The following HECW2 variants were observed in gnomAD, a reference collection of about 807,000 sequenced individuals.
HECW2 encodes the protein E3 ubiquitin-protein ligase HECW2.
HECW2 carries 61 observed loss-of-function variants against 175.2 expected under a neutral mutation model. The observed-to-expected ratio is 0.35, with a 90% CI of 0.28 to 0.43. The LOEUF (loss-of-function observed/expected upper bound fraction) is 0.43, where lower values mean the gene tolerates loss of function less well. Among genes scored for constraint, HECW2 ranks in the 20% least tolerant of loss-of-function variants. The probability of loss-of-function intolerance (pLI) is 1.00; values close to 1 mark genes in which losing one functional copy is unlikely to be tolerated. For synonymous variants in HECW2, 671 were observed against 731.0 expected, an observed-to-expected ratio of 0.92 and a Z score of 1.32; for missense variants, 1,524 against 2,000.5, an observed-to-expected ratio of 0.76 and a Z score of 4.54.
chr2:196,410,968 A>G (rs1695093059), intron 2 of HECW2, among the ~76,000 whole-genome samples: 1 of 151,946 alleles, frequency 6.6e-6, no homozygotes, highest in African/African-American at 2.4e-5. Context: ...CATTCCAGGC[A>G]ATGCAATGGC....
At chr2:196,383,380 T>C (rs778206726) in intron 2 of HECW2, among the ~76,000 whole-genome samples, 16 of 152,050 alleles carry the variant, frequency 1.1e-4, no homozygotes, top group South Asian at 4.1e-4. Context: ...TGTAAGTGTA[T>C]AGGTATTGGC....
chr2:196,252,069 T>C (rs12693787), intron 19 of HECW2, among the ~76,000 whole-genome samples: 151,468 of 151,736 alleles, frequency 1, 75,601 homozygotes, highest in Middle Eastern at 1. Flanking sequence ...CATGGTGGCA[T>C]GTATCTGTTA....
intron 1 of HECW2, among the ~76,000 whole-genome samples, chr2:196,482,194 A>G (rs752667794): frequency 4.6e-5 from 7 of 152,216 alleles, no homozygotes; most frequent in Admixed American, 2.6e-4. Context: ...CAGGGCCAAT[A>G]TGGACCCTCA....
intron 2 of HECW2, among the ~76,000 whole-genome samples, chr2:196,391,975 A>G (rs1456888417): frequency 6.6e-6 from 1 of 152,032 alleles, no homozygotes; most frequent in Non-Finnish European, 1.5e-5. Flanking sequence ...GACAACATTC[A>G]TTGGATTCAT....
intron 1 of HECW2, chr2:196,592,821 G>A (rs1323222618): frequency 1.3e-5 from 2 of 150,810 alleles, no homozygotes; most frequent in African/African-American, 4.8e-5. Flanking sequence ...CCCGGCCGCG[G>A]GGCGGGAGGG....
At chr2:196,466,805 T>G (rs1696972935) in intron 1 of HECW2, among the ~76,000 whole-genome samples, 1 of 152,238 alleles carries the variant, frequency 6.6e-6, no homozygotes, top group African/African-American at 2.4e-5. Context: ...TGGGCCAGTC[T>G]GGCAATACCT....
At chr2:196,570,510 T>C (rs1690346037) in intron 1 of HECW2, among the ~76,000 whole-genome samples, 1 of 152,186 alleles carries the variant, frequency 6.6e-6, no homozygotes, top group East Asian at 1.9e-4. Context: ...ATGAGAACAC[T>C]TGGGACACAG....
intron 15 of HECW2, among the ~76,000 whole-genome samples, chr2:196,278,284 A>C (rs1412262263): frequency 6.7e-6 from 1 of 148,350 alleles, no homozygotes; most frequent in Non-Finnish European, 1.5e-5. Context: ...CCTTCCTCTG[A>C]GTCAAAAAAT....
At chr2:196,521,693 T>C (rs1688398135) in intron 1 of HECW2, among the ~76,000 whole-genome samples, 1 of 144,332 alleles carries the variant, frequency 6.9e-6, no homozygotes, top group South Asian at 2.3e-4. Flanking sequence ...CCATGTGATC[T>C]CATTGTTCAA....
At chr2:196,497,188 G>C (rs1006786008) in intron 1 of HECW2, among the ~76,000 whole-genome samples, 3 of 152,150 alleles carry the variant, frequency 2.0e-5, no homozygotes, top group Admixed American at 2.0e-4. Flanking sequence ...AAAATGTTTA[G>C]ACCAAGTCAT....
rs748007524 is a variant in HECW2, at chr2:196,318,918, T to G, written c.1972A>C (p.Thr658Pro). The change falls in exon 9 of 29, where the codon ACA (threonine) becomes CCA (proline). Residue 658 changes from threonine (T) to proline (P), a missense_variant. Physicochemically the swap from Thr to Pro is conservative, Grantham distance 38. This residue lies in a region of HECW2 where 604 missense variants were observed against 588.3 expected (regional missense o/e 1.03). Transcript: ENST00000644978. ...GCGCTCTCAAGAGAGGAGCACCGTG[T>G]GTCCACAGAGGACAGCTGCGTGGTC... ...SVTTQLSSVD[T>P]RCSSLESARF... 1 of 1,589,812 alleles carries G rather than the reference T, an allele frequency of 6.3e-7. No individual in the cohort carries two copies.
intron 1 of HECW2, among the ~76,000 whole-genome samples, chr2:196,504,235 G>T (rs1687674363): frequency 1.3e-5 from 2 of 149,246 alleles, no homozygotes; most frequent in Non-Finnish European, 3.0e-5. Flanking sequence ...GGCAGATGTT[G>T]CAGTGAGCCA....
At chr2:196,547,428 G>C (rs528195550) in intron 1 of HECW2, among the ~76,000 whole-genome samples, 1 of 152,174 alleles carries the variant, frequency 6.6e-6, no homozygotes, top group African/African-American at 2.4e-5. Context: ...CTTAAACAAT[G>C]CAAGGAACAC....
intron 1 of HECW2, among the ~76,000 whole-genome samples, chr2:196,449,321 T>C (rs1411909375): frequency 1.3e-5 from 2 of 152,188 alleles, no homozygotes; most frequent in East Asian, 1.9e-4. Context: ...GCAATGTATC[T>C]AGTGCAGGGG....
At chr2:196,336,040 G>C (rs186781410) in intron 3 of HECW2, among the ~76,000 whole-genome samples, 10 of 152,228 alleles carry the variant, frequency 6.6e-5, no homozygotes, top group Admixed American at 2.0e-4. Context: ...AAGGTGTCAT[G>C]GAAAAAACAG....
intron 13 of HECW2, among the ~76,000 whole-genome samples, chr2:196,299,837 G>A (rs532521919): frequency 2.8e-4 from 43 of 152,152 alleles, no homozygotes; most frequent in African/African-American, 1.0e-3. Context: ...GCTGAGGCAG[G>A]AGAATGGCGT....
At chr2:196,559,807 C>T (rs1480458012) in intron 1 of HECW2, among the ~76,000 whole-genome samples, 1 of 152,126 alleles carries the variant, frequency 6.6e-6, no homozygotes, top group South Asian at 2.1e-4. Flanking sequence ...TTGCATACAT[C>T]TTAAATCTCA....
intron 1 of HECW2, among the ~76,000 whole-genome samples, chr2:196,458,843 C>G (rs1235251500): frequency 6.6e-6 from 1 of 152,088 alleles, no homozygotes; most frequent in South Asian, 2.1e-4. Flanking sequence ...TCCAGCCTGG[C>G]AAGAGAGTAA....
intron 3 of HECW2, among the ~76,000 whole-genome samples, chr2:196,337,623 C>A (rs966561419): frequency 2.7e-5 from 4 of 150,940 alleles, no homozygotes; most frequent in African/African-American, 9.7e-5. Context: ...TTAATATTTG[C>A]ATATACTTAT....
Sources: gnomAD v4.1 joint callset for allele counts (sites outside exome capture counted in the v4.1 genomes callset) on GRCh38, gnomAD v4.1.1 for gene constraint, gnomAD v4.1.1 regional missense constraint, MANE v1.5 for transcripts, NCBI Gene and HGNC (gene_info 2026-07-23, HGNC 2026-07-21) for gene names.